Variants in AKAP12 observed in about 807,000 individuals in gnomAD.
AKAP12 encodes the protein A-kinase anchor protein 12.
In AKAP12, 32 loss-of-function variants were observed where a neutral mutation model predicts 79.9. The ratio of observed to expected loss-of-function variants is 0.40; its 90% CI spans 0.30 to 0.54. The LOEUF (loss-of-function observed/expected upper bound fraction) is 0.54, where lower values mean the gene tolerates loss of function less well. Ranked by LOEUF, AKAP12 falls within the 20% of genes least tolerant of loss-of-function variation. The pLI is 0.48. For synonymous variants in AKAP12, 808 were observed against 857.0 expected, an observed-to-expected ratio of 0.94 and a Z score of 1.00; for missense variants, 2,074 against 2,177.0, an observed-to-expected ratio of 0.95 and a Z score of 0.94.
At chr6:151,322,787 C>G (rs943476545) in intron 3 of AKAP12, among the ~76,000 whole-genome samples, 1 of 145,086 alleles carries the variant, frequency 6.9e-6, no homozygotes, top group Admixed American at 6.7e-5. Flanking sequence ...ACTGAGCTCC[C>G]GAGGCCAGGG....
At chr6:151,308,829 G>T (rs1312386567) in intron 3 of AKAP12, among the ~76,000 whole-genome samples, 1 of 152,090 alleles carries the variant, frequency 6.6e-6, no homozygotes, top group Non-Finnish European at 1.5e-5. Flanking sequence ...TTATTAAACA[G>T]CATTTTTCCG....
chr6:151,307,997 C>T (rs11752038), intron 3 of AKAP12, among the ~76,000 whole-genome samples: 49,130 of 151,906 alleles, frequency 0.32, 9,418 homozygotes, highest in Non-Finnish European at 0.44. Context: ...GATTCTCCTG[C>T]CTCAGCCTCC....
chr6:151,251,953 C>T (rs1797185246), intron 2 of AKAP12, among the ~76,000 whole-genome samples: 1 of 152,130 alleles, frequency 6.6e-6, no homozygotes, highest in Non-Finnish European at 1.5e-5. Flanking sequence ...GTTGAGATCG[C>T]TCTGCTGCAC....
Position 151,352,099 on chromosome 6 carries a change from A to G in AKAP12, c.3708A>G (p.Gln1236=), listed in dbSNP as rs1302663572. The change falls in exon 4 of 5, where the codon CAA becomes CAG. Residue 1236 remains glutamine, a synonymous_variant. Coordinates refer to ENST00000402676, the MANE Select transcript of AKAP12 (RefSeq NM_005100.4). ...SFVFQEETKE[Q]SKMEDTLEHT... is the part of the protein sequence containing the mutation. ...TGTTCCAGGAAGAAACTAAAGAACA[A>G]TCAAAGATGGAAGACACTCTAGAGC... The G allele has an allele frequency of 2.5e-6, 4 of 1,614,088 alleles. No homozygotes were observed. The highest frequency in any genetic ancestry group is 1.7e-5 in the Admixed American group (1 of 60,010).
In AKAP12 at chr6:151,352,168, A is replaced by C. The variant is rs535980747; in HGVS notation, c.3777A>C (p.Ser1259=). The change falls in exon 4 of 5, where the codon TCA becomes TCC. Residue 1259 remains serine, a synonymous_variant. Transcript: ENST00000402676. ...CAGTGGAAACTGTATCCATTCTGTCAAAGACTGAGGGGACTCAAGAGGCTG... is the reference window on the plus strand; with the variant it reads ...CAGTGGAAACTGTATCCATTCTGTCCAAGACTGAGGGGACTCAAGAGGCTG... ...EVSVETVSIL[S]KTEGTQEADQ... is the part of the protein sequence containing the mutation. 68 of 1,614,188 alleles carry C rather than the reference A, an allele frequency of 4.2e-5. 1 individual carries two copies. In the Middle Eastern group the frequency reaches 5.1e-3, roughly 121 times the overall value.
chr6:151,247,607 A>G (rs534946227), intron 2 of AKAP12, among the ~76,000 whole-genome samples: 30 of 152,202 alleles, frequency 2.0e-4, no homozygotes, highest in Non-Finnish European at 3.2e-4. Context: ...TATCACTTTT[A>G]AAATTTCTTC....
rs548997622 is a variant in AKAP12 at position 151,305,777 on chromosome 6, A to G, written c.193A>G (p.Ile65Val). ...LLQKNGQLST[I>V]NGVAEQDELS... ...ACAGAAGAATGGTCAGCTGTCCACC[A>G]TCAATGGCGTAGCTGAGCAAGATGA... Residue 65 changes from isoleucine (I) to valine (V), a missense_variant, in exon 3 of 5, where the codon ATC becomes GTC. Around this residue, in one of 3 missense-constraint regions of AKAP12, gnomAD observed 1,428 missense variants for 1,451.0 expected, o/e 0.98. Transcript: ENST00000402676. 1.9e-6 allele frequency: 3 copies of G among 1,613,860 alleles called. No homozygotes were observed. Among genetic ancestry groups the G allele is most frequent in the East Asian group, 4.5e-5 (2 of 44,870 alleles).
rs968364418 is a variant in AKAP12 at position 151,336,637 on chromosome 6, C to T, written c.320-12074C>T. Among the ~76,000 whole-genome samples the T allele has an allele frequency of 5.9e-5, 9 of 151,982 alleles. 1 individual carries two copies. The highest frequency in any genetic ancestry group is 1.5e-4 in the African/African-American group (6 of 41,362). On this transcript the variant is annotated intron_variant, in intron 3 of 4. Transcript: ENST00000402676. ...GCATGTGGCTGTAATCCTAGCTACT[C>T]GGGAGGCTGAGACAGAATTGCTTGA...
chr6:151,347,570 T>C (rs1026940541), intron 3 of AKAP12, among the ~76,000 whole-genome samples: 2 of 152,200 alleles, frequency 1.3e-5, no homozygotes, highest in Non-Finnish European at 2.9e-5. Context: ...TTGTCAACTT[T>C]CCCTTTAACA....
chr6:151,253,213 C>T (rs549573691), intron 2 of AKAP12, among the ~76,000 whole-genome samples: 6 of 152,176 alleles, frequency 3.9e-5, no homozygotes, highest in South Asian at 2.1e-4. Context: ...TGTTGTGATA[C>T]GTAAGACAAG....
At chr6:151,240,864 CCT>C (rs1460587801) in intron 2 of AKAP12, 140 bp downstream of exon 2, 2 of 846,706 alleles carry the variant, frequency 2.4e-6, no homozygotes, top group African/African-American at 3.5e-5. Flanking sequence ...AGTGCGAACC[CCT>C]CTTTGGAGGC....
intron 3 of AKAP12, among the ~76,000 whole-genome samples, chr6:151,336,775 T>TGTC (rs1777824371): frequency 6.6e-6 from 1 of 152,218 alleles, no homozygotes. Context: ...CCATTCTGAC[T>TGTC]GGTGCAAGAT....
At chr6:151,268,204 G>C (rs897489307) in intron 2 of AKAP12, among the ~76,000 whole-genome samples, 4 of 152,162 alleles carry the variant, frequency 2.6e-5, no homozygotes, top group African/African-American at 9.7e-5. Flanking sequence ...CCTGAGGTCG[G>C]GAGTTCGAGA....
At chr6:151,242,346 T>G (rs1679082017) in intron 2 of AKAP12, among the ~76,000 whole-genome samples, 1 of 151,426 alleles carries the variant, frequency 6.6e-6, no homozygotes, top group South Asian at 2.1e-4. Flanking sequence ...CATTCTCTTT[T>G]TCCGTCTTCC....
chr6:151,296,196 G>A (rs1477812844), intron 2 of AKAP12, among the ~76,000 whole-genome samples: 3 of 152,190 alleles, frequency 2.0e-5, no homozygotes, highest in Non-Finnish European at 4.4e-5. Context: ...CAATTTCTCA[G>A]AGATAAGGGC....
At position 151,298,177 on chromosome 6, in the gene AKAP12, C is replaced by T. The variant is rs139143675; in HGVS notation, c.163-7570C>T. Among the ~76,000 whole-genome samples, 330 of 152,262 alleles carry T rather than the reference C, an allele frequency of 2.2e-3. 2 individuals carry two copies. Among genetic ancestry groups the T allele is most frequent in the African/African-American group, 7.7e-3 (319 of 41,552 alleles). The stretch of plus-strand genomic sequence containing the variant: ...AAAAAAGAAAAGAAAAGAAAAATCA[C>T]AGGCGGCCCTCGTCCATTTAGATCT... On this transcript the variant is annotated intron_variant, in intron 2 of 4. Coordinates refer to ENST00000402676, the MANE Select transcript of AKAP12 (RefSeq NM_005100.4).
chr6:151,325,776 G>T, intron 3 of AKAP12: 3 of 1,609,698 alleles, frequency 1.9e-6, no homozygotes, highest in South Asian at 1.1e-5. Context: ...AACCACCTGC[G>T]GTTGGCAGGC....
In AKAP12 at chr6:151,351,509, CAA is replaced by C; in HGVS notation, c.3119_3120del (p.Gln1040ArgfsTer42). On this transcript the variant is annotated frameshift_variant, in exon 4 of 5. Transcript: ENST00000402676. LOFTEE classifies it low-confidence loss of function (END_TRUNC). The surrounding 1 kb of genome is among the most constrained non-coding windows in gnomAD (Gnocchi z 4.4). ...PDIEEQERRT[Q>X]EVLQAVAEKV... is the part of the protein sequence containing the mutation. ...CATAGAAGAGCAAGAGAGGCGGACT[CAA>C]GAGGTCCTCCAGGCAGTGGCAGAAA... The C allele has an allele frequency of 1.2e-6, 2 of 1,614,114 alleles. No homozygotes were observed. Among genetic ancestry groups the C allele is most frequent in the Non-Finnish European group, 1.7e-6 (2 of 1,180,032 alleles).
intron 2 of AKAP12, among the ~76,000 whole-genome samples, chr6:151,261,632 T>C (rs1032994133): frequency 1.9e-4 from 29 of 149,308 alleles, no homozygotes; most frequent in African/African-American, 6.4e-4. Context: ...ACCCGGGAGG[T>C]GGAGGTTGCA....
Sources: allele counts gnomAD v4.1 joint callset (sites outside exome capture counted in the v4.1 genomes callset), GRCh38; gene constraint gnomAD v4.1.1; regional missense constraint gnomAD v4.1.1; non-coding constraint Gnocchi (gnomAD v3.1); transcripts MANE v1.5; gene names NCBI Gene and HGNC (gene_info 2026-07-23, HGNC 2026-07-21).